PCED1B: variants seen among roughly 807,000 people sequenced by gnomAD.
PCED1B encodes PC-esterase domain-containing protein 1B.
For synonymous variants in PCED1B, 251 were observed against 246.1 expected, an observed-to-expected ratio of 1.02 and a Z score of -0.19; for missense variants, 573 against 573.9, an observed-to-expected ratio of 1.00 and a Z score of 0.02.
At chr12:47,149,774 G>A (rs534326841) in intron 2 of PCED1B, among the ~76,000 whole-genome samples, 1 of 152,270 alleles carries the variant, frequency 6.6e-6, no homozygotes, top group Non-Finnish European at 1.5e-5. Flanking sequence ...GAGATGCAGA[G>A]GAGTATATTG....
intron 1 of PCED1B, among the ~76,000 whole-genome samples, chr12:47,084,989 C>CA (rs1480960447): frequency 6.6e-6 from 1 of 152,112 alleles, no homozygotes; most frequent in Non-Finnish European, 1.5e-5. Flanking sequence ...ACTAAAGTTA[C>CA]AAAAATTAGC....
chr12:47,129,152 A>G (rs967184657), intron 2 of PCED1B, among the ~76,000 whole-genome samples: 1 of 152,146 alleles, frequency 6.6e-6, no homozygotes, highest in African/African-American at 2.4e-5. Context: ...TTTCCCTGCC[A>G]TATTCCTATC....
intron 2 of PCED1B, among the ~76,000 whole-genome samples, chr12:47,112,988 C>T (rs1359551073): frequency 6.6e-6 from 1 of 152,214 alleles, no homozygotes; most frequent in Admixed American, 6.5e-5. Flanking sequence ...GATATTCCTT[C>T]ACTCTTGTTA....
intron 3 of PCED1B, among the ~76,000 whole-genome samples, chr12:47,220,265 G>T (rs182593470): frequency 1.3e-5 from 2 of 152,012 alleles, no homozygotes; most frequent in East Asian, 3.9e-4. Flanking sequence ...TCTGCCTCCC[G>T]GGTTCAAGCA....
At chr12:47,154,254 T>C (rs1014428682) in intron 2 of PCED1B, among the ~76,000 whole-genome samples, 1 of 152,210 alleles carries the variant, frequency 6.6e-6, no homozygotes, top group Non-Finnish European at 1.5e-5. Flanking sequence ...CAAGTATTTA[T>C]TTCAGGCACA....
chr12:47,150,531 T>C (rs1940951357), intron 2 of PCED1B, among the ~76,000 whole-genome samples: 1 of 150,848 alleles, frequency 6.6e-6, no homozygotes, highest in African/African-American at 2.4e-5. Flanking sequence ...CAAGCCAAGA[T>C]CGTGCCACTG....
intron 2 of PCED1B, among the ~76,000 whole-genome samples, chr12:47,175,354 A>G (rs1187740141): frequency 6.6e-6 from 1 of 152,188 alleles, no homozygotes; most frequent in Non-Finnish European, 1.5e-5. Context: ...GCAAATTGAT[A>G]TTAACTTGCA....
chr12:47,228,677 C>A (rs1186651647), intron 3 of PCED1B, among the ~76,000 whole-genome samples: 2 of 151,830 alleles, frequency 1.3e-5, no homozygotes, highest in African/African-American at 4.8e-5. Context: ...CAAGACCAGC[C>A]TGGCCAAAAT....
intron 1 of PCED1B, among the ~76,000 whole-genome samples, chr12:47,080,266 G>A (rs1416242819): frequency 1.3e-5 from 2 of 152,146 alleles, no homozygotes; most frequent in Non-Finnish European, 2.9e-5. Context: ...AAGGCTAAAG[G>A]GGACACGCCC....
chr12:47,089,490 ATATG>A (rs1252510834), intron 1 of PCED1B, among the ~76,000 whole-genome samples: 1,936 of 88,372 alleles, frequency 0.022, 128 homozygotes, highest in African/African-American at 0.065. Context: ...ATATATATAT[ATATG>A]TATATACCAA....
At chr12:47,089,642 G>T (rs890587025) in intron 1 of PCED1B, among the ~76,000 whole-genome samples, 15 of 151,448 alleles carry the variant, frequency 9.9e-5, no homozygotes, top group Admixed American at 6.6e-5. Context: ...AATGTTTAGT[G>T]GTATCAAGCT....
rs376038541 is a variant in PCED1B at position 47,165,574 on chromosome 12, C to T, written c.-525-50648C>T. On this transcript the variant is annotated intron_variant, in intron 2 of 3. Transcript: ENST00000546455. ...AAAGAATTCACAAGGCTAAAAAGTT[C>T]TATTCTGTATTTAATTTACTTGTTC... Among the ~76,000 whole-genome samples the T allele has an allele frequency of 5.8e-4, 88 of 152,188 alleles. 2 individuals carry two copies. The highest frequency in any genetic ancestry group is 2.1e-3 in the African/African-American group (88 of 41,536).
intron 2 of PCED1B, among the ~76,000 whole-genome samples, chr12:47,180,868 G>A (rs964508417): frequency 5.3e-5 from 8 of 152,130 alleles, no homozygotes; most frequent in African/African-American, 1.4e-4. Flanking sequence ...AACCACTGAG[G>A]TCAACTGGTT....
intron 1 of PCED1B, among the ~76,000 whole-genome samples, chr12:47,086,102 G>C (rs1195100442): frequency 1.3e-5 from 2 of 152,058 alleles, no homozygotes; most frequent in African/African-American, 4.8e-5. Context: ...ACTAAAATTA[G>C]GCACATAATA....
intron 2 of PCED1B, among the ~76,000 whole-genome samples, chr12:47,211,971 A>T (rs1943101510): frequency 6.8e-6 from 1 of 147,996 alleles, no homozygotes; most frequent in Admixed American, 6.8e-5. Context: ...GCTACTTGGG[A>T]GGCTGAGGCA....
intron 2 of PCED1B, among the ~76,000 whole-genome samples, chr12:47,168,467 A>G (rs903485002): frequency 6.6e-6 from 1 of 151,838 alleles, no homozygotes; most frequent in African/African-American, 2.4e-5. Flanking sequence ...TTTCCTTTTT[A>G]GGTCTATTTA....
At chr12:47,149,007 T>C (rs1940894409) in intron 2 of PCED1B, among the ~76,000 whole-genome samples, 2 of 152,246 alleles carry the variant, frequency 1.3e-5, no homozygotes, top group South Asian at 2.1e-4. Flanking sequence ...TTGGTAACAT[T>C]CTAAGGGAAA....
At chr12:47,167,447 A>T (rs1191083094) in intron 2 of PCED1B, among the ~76,000 whole-genome samples, 1 of 152,098 alleles carries the variant, frequency 6.6e-6, no homozygotes, top group Non-Finnish European at 1.5e-5. Context: ...CTCAAAGCCA[A>T]CTGTGTCACC....
intron 2 of PCED1B, among the ~76,000 whole-genome samples, chr12:47,171,789 TTTC>T (rs143235503): frequency 0.26 from 39,904 of 151,402 alleles, 5,875 homozygotes; most frequent in East Asian, 0.55. Flanking sequence ...CAGTCTAACG[TTTC>T]TTCTTCTTCT....
Sources: gnomAD v4.1 joint callset for allele counts (sites outside exome capture counted in the v4.1 genomes callset) on GRCh38, gnomAD v4.1.1 for gene constraint, MANE v1.5 for transcripts, NCBI Gene and HGNC (gene_info 2026-07-23, HGNC 2026-07-21) for gene names.